Variants in DSCAML1 observed in about 807,000 individuals in gnomAD.
The protein encoded by DSCAML1 is DS cell adhesion molecule like 1.
DSCAML1 carries 38 observed loss-of-function variants against 200.5 expected under a neutral mutation model. The observed-to-expected ratio is 0.19, with a 90% CI of 0.15 to 0.25. The LOEUF (loss-of-function observed/expected upper bound fraction) is 0.25, where lower values mean the gene tolerates loss of function less well. DSCAML1 is among the 10% of genes least tolerant of loss of function. The pLI, the probability that DSCAML1 is intolerant of heterozygous loss-of-function variation, is 1.00. For missense variants in DSCAML1, 2,223 were observed against 2,858.8 expected (o/e 0.78, Z 5.07); for synonymous variants, 1,215 against 1,165.0 (o/e 1.04, Z -0.87).
rs190715105 is a variant in DSCAML1 at position 117,615,425 on chromosome 11, A to G, written c.512-82903T>C. Among the ~76,000 whole-genome samples, 500 of 152,240 alleles carry G rather than the reference A, an allele frequency of 3.3e-3. 3 individuals carry two copies. Among genetic ancestry groups the G allele is most frequent in the Admixed American group, 0.013 (193 of 15,294 alleles). The stretch of plus-strand genomic sequence containing the variant: ...GTGACCCTCACTGCATGAACTTCTG[A>G]CCAGAACCAGTTTATTTTCTTGAAG... On this transcript the variant is annotated intron_variant, in intron 3 of 32. Transcript: ENST00000651296.
chr11:117,435,922 T>G, intron 26 of DSCAML1, 123 bp from the exon 27 acceptor site: 1 of 1,100,826 alleles, frequency 9.1e-7, no homozygotes, highest in South Asian at 2.1e-5. Context: ...CTCCACCTCC[T>G]GGCACAGAAC....
chr11:117,471,175 A>ATT (rs199988005), intron 15 of DSCAML1, among the ~76,000 whole-genome samples: 1 of 141,596 alleles, frequency 7.1e-6, no homozygotes, highest in Non-Finnish European at 1.6e-5. Context: ...ATTTTTCTGC[A>ATT]TTTTTTTTTT....
At chr11:117,432,772 T>A (rs1334095376) in intron 29 of DSCAML1, among the ~76,000 whole-genome samples, 1 of 124,800 alleles carries the variant, frequency 8.0e-6, no homozygotes, top group Non-Finnish European at 1.6e-5. Flanking sequence ...CATGCCTGGC[T>A]ATTTTTTTTT....
chr11:117,796,916 C>T, intron 1 of DSCAML1, 118 bp downstream of exon 1: 1 of 697,422 alleles, frequency 1.4e-6, no homozygotes, highest in Non-Finnish European at 2.0e-6. Flanking sequence ...CACCCGGGGC[C>T]TTGCACCCCG....
intron 3 of DSCAML1, among the ~76,000 whole-genome samples, chr11:117,552,167 C>T (rs1323803350): frequency 6.6e-6 from 1 of 151,944 alleles, no homozygotes; most frequent in African/African-American, 2.4e-5. Context: ...TAAAAACCCT[C>T]TCTGGGAGCT....
chr11:117,658,151 C>T (rs565118163), intron 3 of DSCAML1, among the ~76,000 whole-genome samples: 4 of 152,240 alleles, frequency 2.6e-5, no homozygotes, highest in East Asian at 1.9e-4. Flanking sequence ...AAGCACAGGA[C>T]GGAATGCAAG....
At chr11:117,536,754 G>A (rs2050178496) in intron 3 of DSCAML1, among the ~76,000 whole-genome samples, 2 of 152,060 alleles carry the variant, frequency 1.3e-5, no homozygotes, top group Admixed American at 1.3e-4. Flanking sequence ...CAAAGGCTGT[G>A]GTATCATCTA....
rs959400110 is a variant in DSCAML1 at position 117,527,493 on chromosome 11, T to C, written c.659-2410A>G. Among the ~76,000 whole-genome samples the C allele has an allele frequency of 2.6e-5, 4 of 152,252 alleles. No homozygotes were observed. In the East Asian group the frequency reaches 7.7e-4, roughly 29 times the overall value. On this transcript the variant is annotated intron_variant, in intron 4 of 32. Coordinates refer to ENST00000651296, the MANE Select transcript of DSCAML1 (RefSeq NM_020693.4). ...CACTCAGGCATGGGCAGGCGAGTAG[T>C]CTGATTTTTCTGGATAGAAATCCAC...
intron 1 of DSCAML1, among the ~76,000 whole-genome samples, chr11:117,811,080 C>T (rs2055757141): frequency 6.6e-6 from 1 of 152,214 alleles, no homozygotes; most frequent in African/African-American, 2.4e-5. Flanking sequence ...CGTTCTGTGA[C>T]TAGCCCTCCC....
At chr11:117,763,028 A>C (rs1007435031) in intron 3 of DSCAML1, among the ~76,000 whole-genome samples, 2 of 152,170 alleles carry the variant, frequency 1.3e-5, no homozygotes, top group African/African-American at 4.8e-5. Context: ...TGGGTATGCC[A>C]TGTGGGGTCC....
chr11:117,548,178 T>G (rs1381178987), intron 3 of DSCAML1, among the ~76,000 whole-genome samples: 2 of 152,214 alleles, frequency 1.3e-5, no homozygotes, highest in Non-Finnish European at 2.9e-5. Flanking sequence ...TACCGTGGAA[T>G]GGATTCCAGG....
intron 3 of DSCAML1, among the ~76,000 whole-genome samples, chr11:117,743,059 C>T (rs548445502): frequency 1.3e-5 from 2 of 152,318 alleles, no homozygotes; most frequent in East Asian, 3.9e-4. Flanking sequence ...ATCCATTCAG[C>T]AGGTACAGAG....
intron 3 of DSCAML1, among the ~76,000 whole-genome samples, chr11:117,651,347 C>T (rs1034790654): frequency 1.3e-5 from 2 of 152,226 alleles, no homozygotes; most frequent in Non-Finnish European, 2.9e-5. Flanking sequence ...CTGTGCTCCA[C>T]AGTGCACTGA....
At chr11:117,625,109 G>C (rs954747845) in intron 3 of DSCAML1, among the ~76,000 whole-genome samples, 1 of 152,044 alleles carries the variant, frequency 6.6e-6, no homozygotes, top group Non-Finnish European at 1.5e-5. Context: ...CTCCTACAGA[G>C]AGGGAGTTCT....
In DSCAML1 at chr11:117,516,758, A is replaced by AGAGGAG; in HGVS notation, c.1511-25_1511-20dup. On this transcript the variant is annotated intron_variant, in intron 7 of 32. Coordinates refer to ENST00000651296, the MANE Select transcript of DSCAML1 (RefSeq NM_020693.4). This position sits in a 1 kb window ranked among gnomAD's most constrained non-coding sequence, Gnocchi z 5.7. The stretch of plus-strand genomic sequence containing the variant: ...GGTGGGCCTGGGCAGGAGTCAGAAG[A>AGAGGAG]GAGGAGGAGGAGGAGAAGGGCATGT... 2 of 1,602,390 alleles carry AGAGGAG rather than the reference A, an allele frequency of 1.2e-6. No individual in the cohort carries two copies. Among genetic ancestry groups the AGAGGAG allele is most frequent in the Non-Finnish European group, 1.7e-6 (2 of 1,173,338 alleles).
Position 117,437,526 on chromosome 11 carries a change from A to AAT in DSCAML1, c.4433-119_4433-118dup. On this transcript the variant is annotated intron_variant, in intron 25 of 32. Coordinates refer to ENST00000651296, the MANE Select transcript of DSCAML1 (RefSeq NM_020693.4). The surrounding 1 kb of genome is among the most constrained non-coding windows in gnomAD (Gnocchi z 5.3). ...GCTGGGATGGCAGTGGCTCCAGGAG[A>AAT]ATACATGTTTGGCACAGATGGGGTG... 1 of 1,280,576 alleles carries AAT rather than the reference A, an allele frequency of 7.8e-7. No homozygotes were observed. The highest frequency in any genetic ancestry group is 1.1e-6 in the Non-Finnish European group (1 of 921,332). The allele number at this position is 1,280,576 out of a possible 1,614,324, so 79.3% of individuals were successfully genotyped here. A position where few individuals can be genotyped will look rare whatever the true frequency, so the allele number is the denominator to read the frequency against.
chr11:117,612,622 C>T (rs978074023), intron 3 of DSCAML1, among the ~76,000 whole-genome samples: 2 of 152,154 alleles, frequency 1.3e-5, no homozygotes, highest in African/African-American at 2.4e-5. Flanking sequence ...AATCCCACTG[C>T]CAGCGCCATG....
intron 5 of DSCAML1, among the ~76,000 whole-genome samples, chr11:117,521,916 C>T (rs1406168102): frequency 8.5e-5 from 13 of 152,196 alleles, no homozygotes; most frequent in African/African-American, 1.2e-4. Flanking sequence ...CCTGGATCCA[C>T]GTGGCAGCAC....
intron 3 of DSCAML1, among the ~76,000 whole-genome samples, chr11:117,537,918 T>C (rs2050197860): frequency 6.6e-6 from 1 of 152,222 alleles, no homozygotes; most frequent in African/African-American, 2.4e-5. Flanking sequence ...CTCTGTTGTT[T>C]AAAGCCACCC....
Sources: allele counts gnomAD v4.1 joint callset (sites outside exome capture counted in the v4.1 genomes callset), GRCh38; gene constraint gnomAD v4.1.1; non-coding constraint Gnocchi (gnomAD v3.1); transcripts MANE v1.5; gene names NCBI Gene and HGNC (gene_info 2026-07-23, HGNC 2026-07-21).